Variants in NRG3 observed in about 807,000 individuals in gnomAD.
NRG3 encodes pro-neuregulin-3, membrane-bound isoform.
A neutral mutation model predicts 66.9 loss-of-function variants in NRG3; 31 were observed. The observed-to-expected ratio is 0.46, with a 90% CI of 0.35 to 0.63. The LOEUF is 0.63. Ranked by LOEUF, NRG3 falls within the 20% of genes least tolerant of loss-of-function variation. The pLI, the probability that NRG3 is intolerant of heterozygous loss-of-function variation, is 0.00. For synonymous variants in NRG3, 393 were observed against 359.4 expected (o/e 1.09, Z -1.06); for missense variants, 910 against 878.9 (o/e 1.04, Z -0.45).
At chr10:82,648,521 G>GT (rs1565164421) in intron 2 of NRG3, among the ~76,000 whole-genome samples, 2 of 152,004 alleles carry the variant, frequency 1.3e-5, no homozygotes, top group South Asian at 4.2e-4. Context: ...ACTTTAAAGT[G>GT]TTTTTTTCCA....
chr10:82,377,037 T>C (rs1036923929), intron 2 of NRG3, among the ~76,000 whole-genome samples: 1 of 152,326 alleles, frequency 6.6e-6, no homozygotes, highest in African/African-American at 2.4e-5. Flanking sequence ...TATTTGCTGA[T>C]TGAATATGTG....
chr10:82,958,482 G>T (rs1850291828), intron 5 of NRG3, among the ~76,000 whole-genome samples: 1 of 152,178 alleles, frequency 6.6e-6, no homozygotes, highest in African/African-American at 2.4e-5. Context: ...AAAAGACAGA[G>T]AATATACACA....
intron 2 of NRG3, among the ~76,000 whole-genome samples, chr10:82,616,986 A>T (rs979012086): frequency 6.6e-6 from 1 of 152,216 alleles, no homozygotes; most frequent in African/African-American, 2.4e-5. Flanking sequence ...TGGTTTGTTA[A>T]ATTGAATGTA....
chr10:82,530,099 G>A (rs918271396), intron 2 of NRG3, among the ~76,000 whole-genome samples: 5 of 152,046 alleles, frequency 3.3e-5, no homozygotes, highest in African/African-American at 7.2e-5. Flanking sequence ...TGCATCTCAT[G>A]GTAATTTCAA....
intron 1 of NRG3, among the ~76,000 whole-genome samples, chr10:82,140,127 G>T (rs2069660512): frequency 1.3e-5 from 2 of 152,082 alleles, no homozygotes; most frequent in Admixed American, 6.6e-5. Context: ...AATGAGTATT[G>T]TTAGTGTATA....
At chr10:82,006,436 C>T (rs148892244) in intron 1 of NRG3, among the ~76,000 whole-genome samples, 3 of 151,962 alleles carry the variant, frequency 2.0e-5, no homozygotes, top group East Asian at 3.9e-4. Context: ...TGTATTTTAT[C>T]TTATAAAAGG....
intron 2 of NRG3, among the ~76,000 whole-genome samples, chr10:82,447,286 C>T (rs1373121864): frequency 2.0e-5 from 3 of 152,122 alleles, no homozygotes; most frequent in African/African-American, 7.2e-5. Context: ...GGAGTGCAGG[C>T]AACCAGCAGT....
intron 2 of NRG3, among the ~76,000 whole-genome samples, chr10:82,488,940 T>A (rs559494973): frequency 2.0e-5 from 3 of 152,366 alleles, no homozygotes; most frequent in Admixed American, 1.3e-4. Flanking sequence ...AAATTTCAGT[T>A]GGGATCACTT....
chr10:81,942,506 A>T (rs1210619611), intron 1 of NRG3, among the ~76,000 whole-genome samples: 1 of 152,158 alleles, frequency 6.6e-6, no homozygotes, highest in Non-Finnish European at 1.5e-5. Flanking sequence ...ACTACACAAG[A>T]TCTATATCAG....
chr10:82,720,814 T>C (rs562221494), intron 2 of NRG3, among the ~76,000 whole-genome samples: 6 of 27,578 alleles, frequency 2.2e-4, no homozygotes, highest in Non-Finnish European at 3.5e-4. Flanking sequence ...TTTATACATA[T>C]ATATATATAT....
intron 1 of NRG3, among the ~76,000 whole-genome samples, chr10:82,329,210 G>A (rs1482618006): frequency 6.6e-6 from 1 of 151,718 alleles, no homozygotes; most frequent in African/African-American, 2.4e-5. Context: ...CTACTTTATT[G>A]AGGAGCTGTC....
intron 2 of NRG3, among the ~76,000 whole-genome samples, chr10:82,411,530 A>G (rs1197749162): frequency 6.6e-6 from 1 of 152,118 alleles, no homozygotes; most frequent in Non-Finnish European, 1.5e-5. Flanking sequence ...AAACGTTCAA[A>G]TCTACTGATA....
intron 1 of NRG3, among the ~76,000 whole-genome samples, chr10:82,038,106 C>A (rs1039356633): frequency 3.3e-5 from 5 of 152,190 alleles, no homozygotes; most frequent in African/African-American, 1.2e-4. Context: ...ATGGGATACC[C>A]AAGAGATTTA....
intron 4 of NRG3, among the ~76,000 whole-genome samples, chr10:82,891,258 G>A (rs930596754): frequency 7.9e-5 from 12 of 151,428 alleles, no homozygotes; most frequent in African/African-American, 2.2e-4. Flanking sequence ...TATTCTAATC[G>A]GTCTGCTTAA....
intron 2 of NRG3, among the ~76,000 whole-genome samples, chr10:82,401,029 A>G (rs566108762): frequency 7.2e-4 from 110 of 152,304 alleles, no homozygotes; most frequent in African/African-American, 2.6e-3. Flanking sequence ...TATGAGACTC[A>G]GTACTAATGG....
At chr10:82,721,360 G>T (rs1175031643) in intron 2 of NRG3, among the ~76,000 whole-genome samples, 2 of 151,120 alleles carry the variant, frequency 1.3e-5, no homozygotes, top group African/African-American at 2.4e-5. Flanking sequence ...GGATTGTCTC[G>T]ATCTTCTGAC....
intron 2 of NRG3, among the ~76,000 whole-genome samples, chr10:82,626,709 T>A (rs2049448945): frequency 6.6e-6 from 1 of 152,142 alleles, no homozygotes; most frequent in African/African-American, 2.4e-5. Context: ...ACACACAGAA[T>A]AACTTTTAGG....
chr10:82,788,662 G>A (rs560956541), intron 3 of NRG3, among the ~76,000 whole-genome samples: 3 of 152,120 alleles, frequency 2.0e-5, no homozygotes, highest in Admixed American at 6.5e-5. Context: ...ATTAAGCTCC[G>A]AGTTTGAATC....
chr10:82,774,904 C>A (rs2059852324), intron 3 of NRG3, among the ~76,000 whole-genome samples: 1 of 141,824 alleles, frequency 7.1e-6, no homozygotes, highest in African/African-American at 2.7e-5. Context: ...CTCACTGCAA[C>A]CTCTGCCTCC....
Sources: gnomAD v4.1 joint callset for allele counts (sites outside exome capture counted in the v4.1 genomes callset) on GRCh38, gnomAD v4.1.1 for gene constraint, MANE v1.5 for transcripts, NCBI Gene and HGNC (gene_info 2026-07-23, HGNC 2026-07-21) for gene names.